The following NISCH variants were observed in gnomAD, a reference collection of about 807,000 sequenced individuals.
NISCH encodes the protein I-1 receptor candidate protein.
Under a neutral mutation model 138.4 loss-of-function variants are expected in NISCH, and 55 were observed. The ratio of observed to expected loss-of-function variants is 0.40; its 90% CI spans 0.32 to 0.50. The LOEUF is 0.50. Ranked by LOEUF, NISCH falls within the 20% of genes least tolerant of loss-of-function variation. The pLI is 0.71. For synonymous variants in NISCH, 860 were observed against 861.5 expected, an observed-to-expected ratio of 1.00 and a Z score of 0.03; for missense variants, 1,643 against 2,005.5, an observed-to-expected ratio of 0.82 and a Z score of 3.45.
rs1046389 is a variant in NISCH, at chr3:52,492,934, C to T, written c.*452C>T. 2 of 188,316 alleles carry T rather than the reference C, an allele frequency of 1.1e-5. No individual in the cohort carries two copies. Among genetic ancestry groups the T allele is most frequent in the African/African-American group, 4.7e-5 (2 of 42,352 alleles). 11.7% of individuals were successfully genotyped at this position (188,316 alleles called of 1,614,324 possible). A position where few individuals can be genotyped will look rare whatever the true frequency, so the allele number is the denominator to read the frequency against. On this transcript the variant is annotated 3_prime_UTR_variant, in exon 21 of 21. Transcript: ENST00000345716. ...TTGGAAGCTCCCACCCCATATTGTT[C>T]TTCAAAGTGGAGGTCTCCCCTGATC... is the stretch of plus-strand genomic sequence containing the variant.
At chr3:52,464,007 G>A (rs2153230838) in intron 3 of NISCH, among the ~76,000 whole-genome samples, 1 of 151,864 alleles carries the variant, frequency 6.6e-6, no homozygotes, top group African/African-American at 2.4e-5. Context: ...GATTACAGGT[G>A]TGAGCCACCA....
chr3:52,455,607 CTGCGCCGGGCGGCGG>C lies in NISCH; in HGVS notation c.-32_-18del. The C allele has an allele frequency of 7.8e-7, 1 of 1,276,612 alleles. No individual in the cohort carries two copies. The highest frequency in any genetic ancestry group is 1.0e-6 in the Non-Finnish European group (1 of 1,004,882). 79.1% of individuals were successfully genotyped at this position (1,276,612 alleles called of 1,614,324 possible). A position where few individuals can be genotyped will look rare whatever the true frequency, so the allele number is the denominator to read the frequency against. On this transcript the variant is annotated 5_prime_UTR_variant, in exon 1 of 21. Transcript: ENST00000345716. The stretch of plus-strand genomic sequence containing the variant: ...GACCCCGCCCCCTGCTGCTGCTAGT[CTGCGCCGGGCGGCGG>C]TGGCGGCGGAGACCCGAACATGGCG...
intron 10 of NISCH, 50 bp downstream of exon 10, chr3:52,478,332 T>C: frequency 6.2e-7 from 1 of 1,608,122 alleles, no homozygotes; most frequent in Non-Finnish European, 8.5e-7. Context: ...TTGGTGTGTA[T>C]CATGTTAAAG....
At position 52,479,866 on chromosome 3, in the gene NISCH, G is replaced by T. The variant is rs1396225038; in HGVS notation, c.1416+4G>T. On this transcript the variant is annotated splice_donor_region_variant and intron_variant, in intron 12 of 20. Coordinates refer to ENST00000345716, the MANE Select transcript of NISCH (RefSeq NM_007184.4). ...ACTGAGCAACCCAGAGAAGAAGGTG[G>T]GTTTGTGTGGCAGGTGGGAGGGCAG... is the stretch of plus-strand genomic sequence containing the variant. The T allele has an allele frequency of 1.9e-6, 3 of 1,608,496 alleles. No homozygotes were observed. The African/African-American group carries it at 4.0e-5, about 21-fold the overall frequency.
intron 3 of NISCH, among the ~76,000 whole-genome samples, chr3:52,459,464 T>C (rs1706568575): frequency 6.6e-6 from 1 of 152,186 alleles, no homozygotes; most frequent in Admixed American, 6.5e-5. Context: ...GACGGAGTCT[T>C]GCTCTGTCAC....
In NISCH at chr3:52,471,852, G is replaced by A. The variant is rs1706958093; in HGVS notation, c.448G>A (p.Gly150Arg). 6.2e-7 allele frequency: 1 copy of A among 1,613,818 alleles called. No homozygotes were observed. Among genetic ancestry groups the A allele is most frequent in the African/African-American group, 1.3e-5 (1 of 74,928 alleles). ...LLGAGEVFAI[G>R]PLQLYAVTEQ... ...GGGGGCCGGCGAGGTCTTTGCCATT[G>A]GACCCCTGCAGCTGTATGCCGTCAC... Residue 150 changes from glycine to arginine, a missense_variant, in exon 5 of 21, where the codon GGA becomes AGA. Physicochemically the swap from Gly to Arg is moderately radical, Grantham distance 125. Transcript: ENST00000345716.
chr3:52,473,681 C>G, intron 6 of NISCH, 53 bp from the exon 7 acceptor site: 7 of 1,338,910 alleles, frequency 5.2e-6, no homozygotes, highest in Non-Finnish European at 7.4e-6. Flanking sequence ...CATCTGGGGA[C>G]TTCTGACGGA....
chr3:52,478,234 G>T lies in NISCH; in HGVS notation c.1125G>T (p.Lys375Asn). ...TAGAGAGTCTGAGTGGCCTGCACAA[G>T]CTCTACTCACTGGTCAACCTGGATC... ...NLLESLSGLHKLYSLVNLDLR... is the reference protein window; with the variant it reads ...NLLESLSGLHNLYSLVNLDLR... Residue 375 changes from lysine (K) to asparagine (N), a missense_variant, in exon 10 of 21, where the codon AAG (lysine) becomes AAT (asparagine). By Grantham distance (94) the Lys-to-Asn change is moderately conservative. Transcript: ENST00000345716. 6.2e-7 allele frequency: 1 copy of T among 1,614,144 alleles called. No homozygotes were observed.
At chr3:52,485,709 C>T (rs1161949349) in intron 14 of NISCH, 69 bp from the exon 15 acceptor site, 2 of 1,521,768 alleles carry the variant, frequency 1.3e-6, no homozygotes, top group African/African-American at 1.4e-5. Context: ...AGCTCAGGGT[C>T]TGGCAACCAG....
chr3:52,491,318 G>A lies in NISCH; in HGVS notation c.3743-34G>A, dbSNP rs756357818. 28 of 1,589,456 alleles carry A rather than the reference G, an allele frequency of 1.8e-5. No homozygotes were observed. In the East Asian group the frequency reaches 3.6e-4, roughly 20 times the overall value. On this transcript the variant is annotated intron_variant, in intron 19 of 20. Coordinates refer to ENST00000345716, the MANE Select transcript of NISCH (RefSeq NM_007184.4). ...GGCAGGGATAGGGCTGGGGAGCGCC[G>A]GCCTGTGGCCCTGACCAGCCCCTTC...
At chr3:52,479,133 G>A (rs989672856) in intron 11 of NISCH, among the ~76,000 whole-genome samples, 1 of 152,152 alleles carries the variant, frequency 6.6e-6, no homozygotes, top group Non-Finnish European at 1.5e-5. Flanking sequence ...CCTCCACACA[G>A]TCACAAGACC....
chr3:52,459,392 G>A (rs1412754325), intron 3 of NISCH, among the ~76,000 whole-genome samples: 3 of 152,220 alleles, frequency 2.0e-5, no homozygotes, highest in Non-Finnish European at 4.4e-5. Context: ...GTGACAGAAT[G>A]CGTTGTCAGA....
intron 3 of NISCH, among the ~76,000 whole-genome samples, chr3:52,462,259 A>G (rs1289945973): frequency 6.6e-6 from 1 of 152,238 alleles, no homozygotes; most frequent in Non-Finnish European, 1.5e-5. Context: ...CACTGTTGAC[A>G]TTTTGGACTG....
At chr3:52,478,642 C>A in intron 11 of NISCH, 65 bp downstream of exon 11, 1 of 1,443,508 alleles carries the variant, frequency 6.9e-7, no homozygotes, top group Non-Finnish European at 9.7e-7. Flanking sequence ...TCTGCATGGG[C>A]GGTAGGGGGA....
intron 8 of NISCH, among the ~76,000 whole-genome samples, chr3:52,477,249 C>G (rs535420902): frequency 6.6e-6 from 1 of 152,256 alleles, no homozygotes; most frequent in Non-Finnish European, 1.5e-5. Context: ...GAGTGTCGTT[C>G]CCGTGTTTGC....
In NISCH at chr3:52,490,143, G is replaced by A. The variant is rs199800809; in HGVS notation, c.3525G>A (p.Glu1175=). Reference sequence around the variant, plus strand: ...TGTTCTACCAGACCCCAGGGCTGGAGGTGACTGCCTGCGTGCTGCTCTCCA... The same window carrying A: ...TGTTCTACCAGACCCCAGGGCTGGAAGTGACTGCCTGCGTGCTGCTCTCCA... ...SVVFYQTPGL[E]VTACVLLSTK... is the part of the protein sequence containing the mutation. The change falls in exon 18 of 21, where the codon GAG becomes GAA. Residue 1175 remains glutamate (E), a synonymous_variant. Coordinates refer to ENST00000345716, the MANE Select transcript of NISCH (RefSeq NM_007184.4). 97 of 1,613,536 alleles carry A rather than the reference G, an allele frequency of 6.0e-5. No individual in the cohort carries two copies. Among genetic ancestry groups the A allele is most frequent in the Non-Finnish European group, 6.1e-5 (72 of 1,180,042 alleles).
At chr3:52,456,486 G>A (rs1455247246) in intron 1 of NISCH, among the ~76,000 whole-genome samples, 2 of 150,226 alleles carry the variant, frequency 1.3e-5, no homozygotes, top group African/African-American at 2.5e-5. Flanking sequence ...CGACTTTGAC[G>A]GGGTTGGATG....
At chr3:52,478,017 C>G in intron 9 of NISCH, 80 bp from the exon 10 acceptor site, 8 of 1,466,988 alleles carry the variant, frequency 5.5e-6, no homozygotes, top group Non-Finnish European at 7.5e-6. Flanking sequence ...GTTGGAAGGC[C>G]CATCCTGCCA....
In NISCH at chr3:52,487,728, T is replaced by A. The variant is rs776738477; in HGVS notation, c.2236T>A (p.Ser746Thr). 1 of 1,613,340 alleles carries A rather than the reference T, an allele frequency of 6.2e-7. No individual in the cohort carries two copies. Among genetic ancestry groups the A allele is most frequent in the African/African-American group, 1.3e-5 (1 of 74,762 alleles). ...AGTCTTCGAGATCCCGCACCAGGAG[T>A]CTCGGGGCAGCAGCCAGCACATCCT... ...IAVFEIPHQE[S>T]RGSSQHILSS... is the part of the protein sequence containing the mutation. The change falls in exon 16 of 21, where the codon TCT becomes ACT. Residue 746 changes from serine (S) to threonine (T), a missense_variant. Coordinates refer to ENST00000345716, the MANE Select transcript of NISCH (RefSeq NM_007184.4). The surrounding 1 kb of genome is among the most constrained non-coding windows in gnomAD (Gnocchi z 9.1).
Sources: gnomAD v4.1 joint callset for allele counts (sites outside exome capture counted in the v4.1 genomes callset) on GRCh38, gnomAD v4.1.1 for gene constraint, Gnocchi (gnomAD v3.1) non-coding constraint, MANE v1.5 for transcripts, NCBI Gene and HGNC (gene_info 2026-07-23, HGNC 2026-07-21) for gene names.